Variants in PKNOX1 observed in about 807,000 individuals in gnomAD.
The protein encoded by PKNOX1 is homeobox protein PKNOX1.
A neutral mutation model predicts 51.9 loss-of-function variants in PKNOX1; 15 were observed. The observed-to-expected ratio is 0.29, with a 90% confidence interval of 0.19 to 0.45. The LOEUF (loss-of-function observed/expected upper bound fraction) is 0.45. Ranked by LOEUF, PKNOX1 falls within the 20% of genes least tolerant of loss-of-function variation. The pLI, the probability that PKNOX1 is intolerant of heterozygous loss-of-function variation, is 1.00. For missense variants in PKNOX1, 462 were observed against 547.5 expected (o/e 0.84, Z 1.56); for synonymous variants, 219 against 211.1 (o/e 1.04, Z -0.32).
chr21:43,015,355 T>C (rs1979445066), intron 5 of PKNOX1, among the ~76,000 whole-genome samples: 1 of 152,268 alleles, frequency 6.6e-6, no homozygotes, highest in Non-Finnish European at 1.5e-5. Flanking sequence ...ATTTTTCTTC[T>C]TTAGCCTGTT....
At chr21:43,015,199 A>T (rs531790288) in intron 5 of PKNOX1, among the ~76,000 whole-genome samples, 1 of 152,388 alleles carries the variant, frequency 6.6e-6, no homozygotes, top group South Asian at 2.1e-4. Context: ...TCAGTCGCTC[A>T]CTGTCGATGA....
At chr21:43,005,777 G>T (rs568461645) in intron 2 of PKNOX1, among the ~76,000 whole-genome samples, 1 of 152,134 alleles carries the variant, frequency 6.6e-6, no homozygotes, top group Non-Finnish European at 1.5e-5. Flanking sequence ...TGCCTGCCAG[G>T]TCTTTGCTCC....
In PKNOX1 at chr21:43,030,719, G is replaced by T. The variant is rs1026328055; in HGVS notation, c.*618G>T. Reference sequence around the variant, plus strand: ...ATAAAAAAGCTATTTTTATAAATTCGTTATGAATTGGATGATGACTATATT... The same window carrying T: ...ATAAAAAAGCTATTTTTATAAATTCTTTATGAATTGGATGATGACTATATT... On this transcript the variant is annotated 3_prime_UTR_variant, in exon 11 of 11. Transcript: ENST00000291547. 1.3e-5 allele frequency: 2 copies of T among 152,548 alleles called. No individual in the cohort carries two copies. Among genetic ancestry groups the T allele is most frequent in the Admixed American group, 1.3e-4 (2 of 15,280 alleles). The allele number at this position is 152,548 out of a possible 1,614,324, so 9.4% of individuals were successfully genotyped here. A position where few individuals can be genotyped will look rare whatever the true frequency, so the allele number is the denominator to read the frequency against.
intron 1 of PKNOX1, among the ~76,000 whole-genome samples, chr21:42,996,704 T>A (rs1601281483): frequency 6.6e-6 from 1 of 152,246 alleles, no homozygotes; most frequent in East Asian, 1.9e-4. Flanking sequence ...TAGAAACCCA[T>A]ATAAGTTAGC....
chr21:43,019,611 C>T (rs551191020), intron 7 of PKNOX1, among the ~76,000 whole-genome samples: 9 of 150,888 alleles, frequency 6.0e-5, no homozygotes, highest in South Asian at 2.1e-4. Context: ...GGTGTGATCT[C>T]GGCTCACTGC....
intron 1 of PKNOX1, among the ~76,000 whole-genome samples, chr21:42,983,187 A>G (rs2059035591): frequency 1.3e-5 from 2 of 152,136 alleles, no homozygotes; most frequent in South Asian, 2.1e-4. Flanking sequence ...TGTGCAGTTC[A>G]GTGGTGGTAA....
In PKNOX1 at chr21:43,007,592, G is replaced by A. The variant is rs1286116921; in HGVS notation, c.153G>A (p.Met51Ile). ...CCCCTGTGGAGTCTCAGACCCCGAT[G>A]GATGTGGACAAGCAGGCCATTTATA... Reference protein sequence around the residue: ...SPPPVESQTPMDVDKQAIYRH... With the variant: ...SPPPVESQTPIDVDKQAIYRH... Residue 51 changes from methionine to isoleucine, a missense_variant, in exon 3 of 11, where the codon ATG (methionine) becomes ATA (isoleucine). Met to Ile is a conservative substitution (Grantham distance 10). Transcript: ENST00000291547. The A allele has an allele frequency of 6.2e-7, 1 of 1,614,082 alleles. No individual in the cohort carries two copies. The highest frequency in any genetic ancestry group is 2.2e-5 in the East Asian group (1 of 44,902).
In PKNOX1 at chr21:43,021,426, A is replaced by C; in HGVS notation, c.844A>C (p.Ile282Leu). 1.2e-6 allele frequency: 2 copies of C among 1,608,318 alleles called. No individual in the cohort carries two copies. The highest frequency in any genetic ancestry group is 1.7e-6 in the Non-Finnish European group (2 of 1,176,662). ...NVMRSWLFQHIGHPYPTEDEK... is the reference protein window; with the variant it reads ...NVMRSWLFQHLGHPYPTEDEK... ...GATGCGGTCCTGGCTCTTCCAGCAC[A>C]TCGGGGTAAGGACGGCTGGGCCAGC... The change falls in exon 8 of 11, where the codon ATC (isoleucine) becomes CTC (leucine). Residue 282 changes from isoleucine to leucine, a missense_variant. Ile to Leu is a conservative substitution (Grantham distance 5). Around this residue, in one of 5 missense-constraint regions of PKNOX1, gnomAD observed 75 missense variants for 129.8 expected, o/e 0.58. Coordinates refer to ENST00000291547, the MANE Select transcript of PKNOX1 (RefSeq NM_004571.5). The surrounding 1 kb of genome is among the most constrained non-coding windows in gnomAD (Gnocchi z 4.6).
intron 9 of PKNOX1, among the ~76,000 whole-genome samples, chr21:43,027,972 C>T (rs1016064330): frequency 2.0e-5 from 3 of 152,180 alleles, no homozygotes; most frequent in African/African-American, 7.2e-5. Context: ...TTGCTGCTCT[C>T]GTTCTCTGTG....
intron 1 of PKNOX1, among the ~76,000 whole-genome samples, chr21:42,987,404 A>AAAAAAAAAATATATATATAT: frequency 2.4e-5 from 1 of 41,410 alleles, no homozygotes; most frequent in Non-Finnish European, 4.8e-5. Context: ...AAAAAAAAAA[A>AAAAAAAAAATATATATATAT]ATATATATAT....
At chr21:42,990,905 G>A (rs867053741) in intron 1 of PKNOX1, among the ~76,000 whole-genome samples, 3 of 152,082 alleles carry the variant, frequency 2.0e-5, no homozygotes, top group Non-Finnish European at 2.9e-5. Context: ...TCCTCCCCCC[G>A]TAGATACGGA....
intron 8 of PKNOX1, among the ~76,000 whole-genome samples, chr21:43,023,314 A>G (rs1979844114): frequency 6.6e-6 from 1 of 152,110 alleles, no homozygotes; most frequent in African/African-American, 2.4e-5. Flanking sequence ...TGAGGAAACA[A>G]ACCCATCACT....
chr21:43,014,211 C>G (rs747525379), intron 5 of PKNOX1, among the ~76,000 whole-genome samples: 1 of 151,862 alleles, frequency 6.6e-6, no homozygotes, highest in Non-Finnish European at 1.5e-5. Flanking sequence ...TTAGTAGAGA[C>G]GGGGTTTCAC....
rs369950924 is a variant in PKNOX1 at position 42,985,737 on chromosome 21, A to G, written c.-57+11073A>G. ...TTGCAGGCCGGGCGTGGTGGCTCAC[A>G]CCTGTAATCCTAGCACTTTGGGAGG... On this transcript the variant is annotated intron_variant, in intron 1 of 10. Transcript: ENST00000291547. Among the ~76,000 whole-genome samples, 8 of 151,804 alleles carry G rather than the reference A, an allele frequency of 5.3e-5. No individual in the cohort carries two copies. In the South Asian group the frequency reaches 6.3e-4, roughly 12 times the overall value.
chr21:42,976,788 A>C (rs392619), intron 1 of PKNOX1, among the ~76,000 whole-genome samples: 16 of 152,214 alleles, frequency 1.1e-4, no homozygotes, highest in Non-Finnish European at 1.6e-4. Flanking sequence ...ACTCCTGTTA[A>C]TGTTATTTGA....
intron 1 of PKNOX1, among the ~76,000 whole-genome samples, chr21:42,995,760 G>A (rs1185339916): frequency 2.6e-5 from 4 of 152,172 alleles, no homozygotes; most frequent in South Asian, 4.1e-4. Context: ...TCACAAACTA[G>A]TGTTAGCATC....
rs578213121 is a variant in PKNOX1, at chr21:43,024,839, A to C, written c.850-32A>C. On this transcript the variant is annotated intron_variant, in intron 8 of 10. Coordinates refer to ENST00000291547, the MANE Select transcript of PKNOX1 (RefSeq NM_004571.5). Reference sequence around the variant, plus strand: ...GTCTTGATTTCCTTTGTAAACTCGAAGGCCATGGTAACCTTCTTTTTTTAT... The same window carrying C: ...GTCTTGATTTCCTTTGTAAACTCGACGGCCATGGTAACCTTCTTTTTTTAT... 137 of 1,375,614 alleles carry C rather than the reference A, an allele frequency of 1.0e-4. 2 individuals are homozygous for C. The South Asian group carries it at 1.1e-3, about 11-fold the overall frequency. The allele number at this position is 1,375,614 out of a possible 1,614,324, so 85.2% of individuals were successfully genotyped here. A position where few individuals can be genotyped will look rare whatever the true frequency, so the allele number is the denominator to read the frequency against.
intron 1 of PKNOX1, among the ~76,000 whole-genome samples, chr21:43,003,484 C>G (rs1601286566): frequency 6.6e-6 from 1 of 152,254 alleles, no homozygotes; most frequent in African/African-American, 2.4e-5. Flanking sequence ...TCTCAGGCCT[C>G]TGTGTTAGCT....
Position 43,005,945 on chromosome 21 carries a change from T to G in PKNOX1, c.51+1513T>G, listed in dbSNP as rs529355272. Among the ~76,000 whole-genome samples the G allele has an allele frequency of 5.2e-4, 79 of 152,178 alleles. 1 individual carries two copies. Among genetic ancestry groups the G allele is most frequent in the Non-Finnish European group, 1.0e-3 (71 of 68,046 alleles). On this transcript the variant is annotated intron_variant, in intron 2 of 10. Coordinates refer to ENST00000291547, the MANE Select transcript of PKNOX1 (RefSeq NM_004571.5). Reference sequence around the variant, plus strand: ...CGAGTGTTTCCAAGGGCCTCGGAAGTGTTTAATCAGCATTATTTTAAATAA... The same window carrying G: ...CGAGTGTTTCCAAGGGCCTCGGAAGGGTTTAATCAGCATTATTTTAAATAA...
Sources: gnomAD v4.1 joint callset for allele counts (sites outside exome capture counted in the v4.1 genomes callset) on GRCh38, gnomAD v4.1.1 for gene constraint, gnomAD v4.1.1 regional missense constraint, Gnocchi (gnomAD v3.1) non-coding constraint, MANE v1.5 for transcripts, NCBI Gene and HGNC (gene_info 2026-07-23, HGNC 2026-07-21) for gene names.